USP28: variants seen among roughly 807,000 people sequenced by gnomAD.
The protein encoded by USP28 is ubiquitin carboxyl-terminal hydrolase 28.
Under a neutral mutation model 145.0 loss-of-function variants are expected in USP28, and 113 were observed. The ratio of observed to expected loss-of-function variants is 0.78; its 90% CI spans 0.67 to 0.91. The LOEUF is 0.91. USP28 is among the 40% of genes least tolerant of loss of function. The pLI is 0.00. For synonymous variants in USP28, 447 were observed against 450.9 expected, an observed-to-expected ratio of 0.99 and a Z score of 0.11; for missense variants, 1,201 against 1,289.6, an observed-to-expected ratio of 0.93 and a Z score of 1.05.
intron 1 of USP28, chr11:113,874,524 T>C (rs1949177800): frequency 4.7e-6 from 6 of 1,287,838 alleles, no homozygotes; most frequent in Non-Finnish European, 6.1e-6. Flanking sequence ...CACCTGAGGG[T>C]ATCTGTCTGC....
At chr11:113,846,136 T>C (rs1253532005) in intron 3 of USP28, among the ~76,000 whole-genome samples, 1 of 152,202 alleles carries the variant, frequency 6.6e-6, no homozygotes, top group Non-Finnish European at 1.5e-5. Context: ...ACGAGGTTCT[T>C]AGAAATTCAG....
In USP28 at chr11:113,834,248, C is replaced by T; in HGVS notation, c.621+1G>A. The T allele has an allele frequency of 1.2e-6, 2 of 1,608,782 alleles. No individual in the cohort carries two copies. The highest frequency in any genetic ancestry group is 1.7e-6 in the Non-Finnish European group (2 of 1,177,070). On this transcript the variant is annotated splice_donor_variant, in intron 6 of 24. Transcript: ENST00000003302. LOFTEE classifies it high-confidence loss of function. ...GAAGAAATTCCTTGACACCAACTTA[C>T]TGTATGACTTCGACAATTTTCAAGT...
intron 1 of USP28, among the ~76,000 whole-genome samples, chr11:113,864,436 C>G (rs772039651): frequency 6.6e-5 from 10 of 152,160 alleles, no homozygotes; most frequent in Non-Finnish European, 1.3e-4. Flanking sequence ...GTCTCAAGAT[C>G]TGCAGTTAGC....
chr11:113,866,975 T>C (rs530021251), intron 1 of USP28, among the ~76,000 whole-genome samples: 1 of 109,652 alleles, frequency 9.1e-6, no homozygotes, highest in African/African-American at 2.7e-5. Context: ...AATGAAAAAC[T>C]CATACATGCT....
At chr11:113,816,448 G>T (rs1359294721) in intron 13 of USP28, among the ~76,000 whole-genome samples, 1 of 152,136 alleles carries the variant, frequency 6.6e-6, no homozygotes. Flanking sequence ...AGAAGGCGGA[G>T]GTTGCAGTGA....
intron 19 of USP28, among the ~76,000 whole-genome samples, chr11:113,805,331 C>A (rs1457770240): frequency 6.6e-6 from 1 of 150,926 alleles, no homozygotes; most frequent in Admixed American, 6.6e-5. Flanking sequence ...TCACAGCTCA[C>A]TGCAGCCCTG....
chr11:113,833,407 GC>G lies in USP28; in HGVS notation c.759+12del. 1 of 1,607,398 alleles carries G rather than the reference GC, an allele frequency of 6.2e-7. No individual in the cohort carries two copies. The highest frequency in any genetic ancestry group is 8.5e-7 in the Non-Finnish European group (1 of 1,178,536). Reference sequence around the variant, plus strand: ...GCATGACTTCAAACTCAAGAACAAGGCTTCTTTTGTACCTGCTGTTCCTCAG... The same window carrying G: ...GCATGACTTCAAACTCAAGAACAAGGTTCTTTTGTACCTGCTGTTCCTCAG... On this transcript the variant is annotated intron_variant, in intron 7 of 24. Coordinates refer to ENST00000003302, the Ensembl canonical transcript of USP28.
exon 4 of USP28, chr11:113,841,665 G>A (rs1156340548): frequency 1.2e-6 from 2 of 1,605,510 alleles, no homozygotes; most frequent in East Asian, 2.2e-5. Flanking sequence ...TCAATAACCT[G>A]TTAAGATCTC....
At chr11:113,801,171 G>A (rs974511553) in intron 24 of USP28, among the ~76,000 whole-genome samples, 9 of 152,166 alleles carry the variant, frequency 5.9e-5, no homozygotes, top group Non-Finnish European at 8.8e-5. Flanking sequence ...CTATAAAAGA[G>A]TTCATCTTTT....
intron 2 of USP28, among the ~76,000 whole-genome samples, chr11:113,853,618 T>C (rs1432095678): frequency 2.0e-5 from 3 of 152,206 alleles, no homozygotes; most frequent in Non-Finnish European, 4.4e-5. Context: ...CTCATGCCTG[T>C]AATCCCAACA....
chr11:113,808,484 C>A, intron 17 of USP28, 47 bp from the exon 18 acceptor site: 1 of 1,595,888 alleles, frequency 6.3e-7, no homozygotes, highest in Non-Finnish European at 8.6e-7. Flanking sequence ...GATAAATAGT[C>A]TAGAACACTC....
chr11:113,852,461 T>C (rs772165240), intron 3 of USP28, 40 bp downstream of exon 3: 2 of 1,611,586 alleles, frequency 1.2e-6, no homozygotes, highest in Non-Finnish European at 1.7e-6. Context: ...TATTTTCTGC[T>C]AGTTCAGCAA....
At chr11:113,874,220 G>C (rs543529082) in intron 1 of USP28, among the ~76,000 whole-genome samples, 121 of 151,306 alleles carry the variant, frequency 8.0e-4, no homozygotes, top group African/African-American at 2.9e-3. Context: ...GGAAGGCCGA[G>C]GCGGGCGAAT....
At chr11:113,800,332 T>G (rs1201147617) in intron 24 of USP28, among the ~76,000 whole-genome samples, 1 of 151,630 alleles carries the variant, frequency 6.6e-6, no homozygotes, top group Non-Finnish European at 1.5e-5. Flanking sequence ...TTTTTAAAGA[T>G]AGGGTCTCAC....
At chr11:113,823,971 G>A (rs1429526214) in intron 11 of USP28, among the ~76,000 whole-genome samples, 1 of 152,124 alleles carries the variant, frequency 6.6e-6, no homozygotes, top group Non-Finnish European at 1.5e-5. Context: ...CATGCAGATA[G>A]TAAAGAATGA....
chr11:113,826,952 A>T (rs895656146), intron 11 of USP28, among the ~76,000 whole-genome samples: 1 of 151,672 alleles, frequency 6.6e-6, no homozygotes, highest in Non-Finnish European at 1.5e-5. Context: ...TCTATAATGT[A>T]AGTCTGCTAG....
At chr11:113,829,473 C>A in intron 9 of USP28, 128 bp from the exon 10 acceptor site, 2 of 1,121,566 alleles carry the variant, frequency 1.8e-6, no homozygotes, top group East Asian at 2.5e-5. Context: ...TGCACTTACG[C>A]CTTTATAGCA....
intron 19 of USP28, among the ~76,000 whole-genome samples, 169 bp from the exon 21 acceptor site, chr11:113,805,215 G>T (rs1300947491): frequency 6.6e-6 from 1 of 151,744 alleles, no homozygotes; most frequent in Non-Finnish European, 1.5e-5. Flanking sequence ...CATTTCATAA[G>T]GGATGAAACT....
At chr11:113,854,982 T>C (rs1358935930) in intron 1 of USP28, among the ~76,000 whole-genome samples, 1 of 152,190 alleles carries the variant, frequency 6.6e-6, no homozygotes, top group Non-Finnish European at 1.5e-5. Flanking sequence ...TTTGCATGGA[T>C]ATAAAGATGT....
Sources: gnomAD v4.1 joint callset for allele counts (sites outside exome capture counted in the v4.1 genomes callset) on GRCh38, gnomAD v4.1.1 for gene constraint, MANE v1.5 for transcripts, NCBI Gene and HGNC (gene_info 2026-07-23, HGNC 2026-07-21) for gene names.